Variants in RPH3A observed in about 807,000 individuals in gnomAD.
The protein encoded by RPH3A is rabphilin 3A.
In RPH3A, 48 loss-of-function variants were observed where a neutral mutation model predicts 102.2. That is an observed-to-expected ratio of 0.47 (90% CI 0.37 to 0.60). RPH3A has a LOEUF of 0.60. Among genes scored for constraint, RPH3A ranks in the 20% least tolerant of loss-of-function variants. The pLI is 0.00. For missense variants in RPH3A, 781 were observed against 910.1 expected (o/e 0.86, Z 1.83); for synonymous variants, 310 against 324.3 (o/e 0.96, Z 0.47).
At chr12:112,854,321 C>T (rs945576909) in intron 5 of RPH3A, among the ~76,000 whole-genome samples, 14 of 152,352 alleles carry the variant, frequency 9.2e-5, no homozygotes, top group East Asian at 3.9e-4. Flanking sequence ...AAATGGACTG[C>T]GATTTTTCTT....
rs1158230534 is a variant in RPH3A, at chr12:112,640,325, C to CAAAAAAAAAAAA, written c.-140+65036_-140+65047dup. The stretch of plus-strand genomic sequence containing the variant: ...GGTCAACAAGAGCAAAACTCCATCT[C>CAAAAAAAAAAAA]AAAAAAAAAAAAAAAAAAAAAAAAA... On this transcript the variant is annotated intron_variant, in intron 1 of 21. Coordinates refer to the RPH3A transcript ENST00000543106. Among the ~76,000 whole-genome samples, 5 of 14,078 alleles carry CAAAAAAAAAAAA rather than the reference C, an allele frequency of 3.6e-4. 1 individual carries two copies. The highest frequency in any genetic ancestry group is 5.6e-4 in the Non-Finnish European group (2 of 3,598). 9.2% of individuals were successfully genotyped at this position (14,078 alleles called of 152,430 possible).
At chr12:112,719,516 T>G (rs2040537439) in intron 1 of RPH3A, among the ~76,000 whole-genome samples, 1 of 152,204 alleles carries the variant, frequency 6.6e-6, no homozygotes, top group South Asian at 2.1e-4. Context: ...TGCATTGTGC[T>G]GTATGTAAGA....
At chr12:112,694,239 G>T (rs549586618) in intron 1 of RPH3A, among the ~76,000 whole-genome samples, 11 of 152,284 alleles carry the variant, frequency 7.2e-5, no homozygotes, top group African/African-American at 2.6e-4. Context: ...ACATTGTTTT[G>T]AGAATTTGGT....
intron 1 of RPH3A, among the ~76,000 whole-genome samples, chr12:112,581,141 T>C (rs2039398013): frequency 6.6e-6 from 1 of 152,218 alleles, no homozygotes; most frequent in African/African-American, 2.4e-5. Flanking sequence ...TAGTCTGTTC[T>C]CATGCTGCTA....
chr12:112,793,263 CT>C lies in RPH3A; in HGVS notation c.-19+1003del, dbSNP rs2041159762. Reference sequence around the variant, plus strand: ...TGCTACCCATCAAAAGGGGATTTCACTTTGCTTTCTGCTTTGATTACATCTA... The same window carrying C: ...TGCTACCCATCAAAAGGGGATTTCACTTGCTTTCTGCTTTGATTACATCTA... On this transcript the variant is annotated intron_variant, in intron 2 of 21. Coordinates refer to ENST00000389385, the MANE Select transcript of RPH3A (RefSeq NM_001143854.2). Among the ~76,000 whole-genome samples, 3 of 152,214 alleles carry C rather than the reference CT, an allele frequency of 2.0e-5. No individual in the cohort carries two copies. The South Asian group carries it at 6.2e-4, about 31-fold the overall frequency.
chr12:112,849,337 A>G (rs2136192237), intron 5 of RPH3A, among the ~76,000 whole-genome samples: 1 of 152,014 alleles, frequency 6.6e-6, no homozygotes, highest in African/African-American at 2.4e-5. Flanking sequence ...AGGCTTGCTT[A>G]TGGAGTTAGG....
At chr12:112,793,791 G>A (rs1047422103) in intron 2 of RPH3A, among the ~76,000 whole-genome samples, 7 of 152,120 alleles carry the variant, frequency 4.6e-5, no homozygotes, top group Non-Finnish European at 8.8e-5. Flanking sequence ...CTAGGGTCCT[G>A]GAATAGGGCA....
chr12:112,604,762 G>T (rs2045630278), intron 1 of RPH3A, among the ~76,000 whole-genome samples: 1 of 152,176 alleles, frequency 6.6e-6, no homozygotes, highest in South Asian at 2.1e-4. Flanking sequence ...AGGCTTGACT[G>T]GGCTGAAAAA....
chr12:112,675,650 G>T (rs1324156519), intron 1 of RPH3A, among the ~76,000 whole-genome samples: 2 of 152,178 alleles, frequency 1.3e-5, no homozygotes, highest in Non-Finnish European at 2.9e-5. Flanking sequence ...GTTTGGGAAG[G>T]TTTTTTGAGG....
intron 1 of RPH3A, among the ~76,000 whole-genome samples, chr12:112,578,065 A>G (rs2039372023): frequency 6.6e-6 from 1 of 152,182 alleles, no homozygotes. Flanking sequence ...AGCTTGCAGG[A>G]TAAAGAGCAG....
intron 1 of RPH3A, among the ~76,000 whole-genome samples, chr12:112,592,412 G>A (rs928787061): frequency 5.3e-5 from 8 of 152,106 alleles, no homozygotes; most frequent in Admixed American, 1.3e-4. Context: ...TCTGCCTCCC[G>A]GGTTCAAGCG....
intron 1 of RPH3A, among the ~76,000 whole-genome samples, chr12:112,739,333 G>A (rs1422795100): frequency 6.6e-6 from 1 of 152,210 alleles, no homozygotes; most frequent in Non-Finnish European, 1.5e-5. Context: ...TTTGTGAAGT[G>A]TATAATTCTA....
At chr12:112,780,975 G>T (rs1433759313) in intron 1 of RPH3A, among the ~76,000 whole-genome samples, 3 of 152,054 alleles carry the variant, frequency 2.0e-5, no homozygotes, top group Non-Finnish European at 2.9e-5. Flanking sequence ...CCAACATGGT[G>T]AAACCCTGTC....
Position 112,689,282 on chromosome 12 carries a change from T to C in RPH3A, c.-139-102861T>C, listed in dbSNP as rs192089463. Among the ~76,000 whole-genome samples, 342 of 152,302 alleles carry C rather than the reference T, an allele frequency of 2.2e-3. 1 individual carries two copies. The highest frequency in any genetic ancestry group is 7.9e-3 in the African/African-American group (330 of 41,562). On this transcript the variant is annotated intron_variant, in intron 1 of 21. Transcript: ENST00000543106. Reference sequence around the variant, plus strand: ...GTGAACAGGAGAGCCCATGCCCTATTACTTAGCCACAAGTTGAGGTTGCCA... The same window carrying C: ...GTGAACAGGAGAGCCCATGCCCTATCACTTAGCCACAAGTTGAGGTTGCCA...
chr12:112,749,347 G>A (rs1407021654), intron 1 of RPH3A, among the ~76,000 whole-genome samples: 2 of 152,110 alleles, frequency 1.3e-5, no homozygotes, highest in Non-Finnish European at 2.9e-5. Flanking sequence ...CAGGGTGTGG[G>A]GTGCTTCCCT....
At chr12:112,837,187 T>C (rs1453327928) in intron 4 of RPH3A, among the ~76,000 whole-genome samples, 1 of 152,198 alleles carries the variant, frequency 6.6e-6, no homozygotes, top group African/African-American at 2.4e-5. Flanking sequence ...ACTCTGGGAC[T>C]CACGGTCCCT....
chr12:112,664,186 C>A (rs557645217), intron 1 of RPH3A, among the ~76,000 whole-genome samples: 1 of 152,216 alleles, frequency 6.6e-6, no homozygotes, highest in South Asian at 2.1e-4. Flanking sequence ...GCTGGGAGTT[C>A]ATATGGCTTA....
intron 4 of RPH3A, among the ~76,000 whole-genome samples, chr12:112,844,755 A>G (rs1193392900): frequency 6.6e-6 from 1 of 152,238 alleles, no homozygotes; most frequent in Non-Finnish European, 1.5e-5. Context: ...TCATCTCAAA[A>G]AAGTGGCTTA....
At chr12:112,784,444 G>A (rs2041030418) in intron 1 of RPH3A, among the ~76,000 whole-genome samples, 1 of 152,172 alleles carries the variant, frequency 6.6e-6, no homozygotes. Flanking sequence ...TGAAGATACA[G>A]GGTTCCTTGC....
Sources: allele counts gnomAD v4.1 joint callset (sites outside exome capture counted in the v4.1 genomes callset), GRCh38; gene constraint gnomAD v4.1.1; transcripts MANE v1.5; gene names NCBI Gene and HGNC (gene_info 2026-07-23, HGNC 2026-07-21).